Variants in CNGA1 observed in about 807,000 individuals in gnomAD.
CNGA1 encodes cyclic nucleotide-gated channel alpha-1.
Under a neutral mutation model 69.7 loss-of-function variants are expected in CNGA1, and 53 were observed. That is an observed-to-expected ratio of 0.76 (90% CI 0.61 to 0.96). The LOEUF (loss-of-function observed/expected upper bound fraction) is 0.96, where lower values mean the gene tolerates loss of function less well. CNGA1 is among the 40% of genes least tolerant of loss of function. The pLI is 0.00. For synonymous variants in CNGA1, 249 were observed against 283.5 expected (o/e 0.88, Z 1.22); for missense variants, 739 against 811.2 (o/e 0.91, Z 1.08).
rs769395195 is a variant in CNGA1, at chr4:47,986,983, TGTTGTG to T, written c.-122-5489_-122-5484del. 1.8e-4 allele frequency among the ~76,000 whole-genome samples: 28 copies of T among 152,086 alleles called. 1 individual carries two copies. Among genetic ancestry groups the T allele is most frequent in the Admixed American group, 7.2e-4 (11 of 15,268 alleles). On this transcript the variant is annotated intron_variant, in intron 2 of 10. Coordinates refer to ENST00000514170, the MANE Select transcript of CNGA1 (RefSeq NM_001379270.1). ...TTAAAAGGATAAGAGTATTGTGTTGTGTTGTGTTGTGTTGTGTTGAGTTGTGTTGTG... is the reference window on the plus strand; with the variant it reads ...TTAAAAGGATAAGAGTATTGTGTTGTTTGTGTTGTGTTGAGTTGTGTTGTG...
At chr4:47,973,040 A>C (rs904602500) in intron 3 of CNGA1, among the ~76,000 whole-genome samples, 21 of 151,168 alleles carry the variant, frequency 1.4e-4, no homozygotes, top group African/African-American at 5.1e-4. Context: ...AAAGGCTGAT[A>C]TAGTACACAG....
At chr4:48,009,610 C>T (rs982685814) in intron 2 of CNGA1, among the ~76,000 whole-genome samples, 1 of 152,064 alleles carries the variant, frequency 6.6e-6, no homozygotes, top group Non-Finnish European at 1.5e-5. Flanking sequence ...TCAAGACCAC[C>T]CTGACCAACA....
intron 2 of CNGA1, among the ~76,000 whole-genome samples, chr4:48,005,122 T>G (rs555367356): frequency 6.8e-6 from 1 of 146,198 alleles, no homozygotes; most frequent in African/African-American, 2.6e-5. Context: ...ATTTATTTAT[T>G]TATTTATTTA....
intron 3 of CNGA1, among the ~76,000 whole-genome samples, chr4:47,953,596 C>T (rs567222303): frequency 6.6e-6 from 1 of 152,324 alleles, no homozygotes; most frequent in East Asian, 1.9e-4. Flanking sequence ...CTGGCCTAAA[C>T]TCTAGTCAGG....
At chr4:47,958,490 G>A (rs1015786971) in intron 3 of CNGA1, among the ~76,000 whole-genome samples, 4 of 152,008 alleles carry the variant, frequency 2.6e-5, no homozygotes, top group Non-Finnish European at 5.9e-5. Flanking sequence ...AGGGCATGAT[G>A]GCGGGTGACT....
Position 47,936,583 on chromosome 4 carries a change from CAGG to C in CNGA1, c.1896_1898del (p.Leu633del). On this transcript the variant is annotated inframe_deletion, in exon 11 of 11. Transcript: ENST00000514170. The stretch of plus-strand genomic sequence containing the variant: ...CCAAGATTCGGGCAAACCTGGTTTG[CAGG>C]AGGTCTACTGACCCCTCCATTCGAG... 1 of 1,614,208 alleles carries C rather than the reference CAGG, an allele frequency of 6.2e-7. No homozygotes were observed. The highest frequency in any genetic ancestry group is 8.5e-7 in the Non-Finnish European group (1 of 1,180,022).
intron 3 of CNGA1, among the ~76,000 whole-genome samples, chr4:47,968,464 A>G (rs1365194721): frequency 1.3e-5 from 2 of 152,144 alleles, no homozygotes; most frequent in Admixed American, 1.3e-4. Flanking sequence ...AAATCAGCCA[A>G]TCAGAAAAAC....
chr4:48,000,374 G>GTTTT (rs569343152), intron 2 of CNGA1, among the ~76,000 whole-genome samples: 2 of 146,158 alleles, frequency 1.4e-5, no homozygotes, highest in African/African-American at 5.0e-5. Flanking sequence ...AACAATAAGT[G>GTTTT]TTTTTTTTTT....
intron 3 of CNGA1, among the ~76,000 whole-genome samples, chr4:47,975,551 TAAG>T (rs1176859194): frequency 6.6e-6 from 1 of 152,172 alleles, no homozygotes; most frequent in Non-Finnish European, 1.5e-5. Flanking sequence ...AAATATTTTA[TAAG>T]AACACAAAGT....
Position 47,943,372 on chromosome 4 carries a change from T to A in CNGA1, c.328A>T (p.Ser110Cys). The change falls in exon 7 of 11, where the codon AGC becomes TGC. Residue 110 changes from serine (S) to cysteine (C), a missense_variant and splice_region_variant. Physicochemically the swap from Ser to Cys is moderately radical, Grantham distance 112. Transcript: ENST00000514170. ...GGGTAATTCTTGCCAAAGTCTTACC[T>A]CTTCTTTTCTTTTTTCTTTTTCTTT... ...EKKKKKKEKK[S>C]KSDDKNENKN... 6.6e-7 allele frequency: 1 copy of A among 1,523,794 alleles called. No individual in the cohort carries two copies. The highest frequency in any genetic ancestry group is 1.3e-5 in the South Asian group (1 of 77,860). 94.4% of individuals were successfully genotyped at this position (1,523,794 alleles called of 1,614,324 possible).
chr4:47,963,733 G>A (rs1029215443), intron 3 of CNGA1, among the ~76,000 whole-genome samples: 3 of 152,206 alleles, frequency 2.0e-5, no homozygotes, highest in African/African-American at 7.2e-5. Flanking sequence ...TGCCCTGAAA[G>A]AGTCCAAGGC....
chr4:48,003,705 T>C (rs990989939), intron 2 of CNGA1, among the ~76,000 whole-genome samples: 3 of 151,998 alleles, frequency 2.0e-5, no homozygotes, highest in African/African-American at 4.8e-5. Context: ...TGAGGAGACA[T>C]TGGGAGAAGT....
rs765077544 is a variant in CNGA1, at chr4:47,936,958, G to A, written c.1524C>T (p.Ile508=). The A allele has an allele frequency of 5.0e-6, 8 of 1,613,786 alleles. No homozygotes were observed. The Admixed American group carries it at 1.3e-4, about 27-fold the overall frequency. Residue 508 remains isoleucine (I), a synonymous_variant, in exon 11 of 11, where the codon ATC becomes ATT. Coordinates refer to ENST00000514170, the MANE Select transcript of CNGA1 (RefSeq NM_001379270.1). ...PGDYICKKGD[I]GREMYIIKEG... is the part of the protein sequence containing the mutation. ...CCTTGATAATGTACATCTCTCGTCC[G>A]ATATCCCCTTTCTTGCAAATATAAT...
chr4:47,992,884 A>C (rs1347198539), intron 2 of CNGA1, among the ~76,000 whole-genome samples: 1 of 152,000 alleles, frequency 6.6e-6, no homozygotes, highest in East Asian at 1.9e-4. Context: ...GATTTTGCTG[A>C]GAGTTTTAAT....
chr4:48,005,688 C>A (rs113788460), intron 2 of CNGA1, among the ~76,000 whole-genome samples: 99 of 152,240 alleles, frequency 6.5e-4, no homozygotes, highest in African/African-American at 2.3e-3. Flanking sequence ...GGTCAGGAAC[C>A]CTGTACAGGG....
chr4:47,999,058 G>A (rs1470560632), intron 2 of CNGA1, among the ~76,000 whole-genome samples: 1 of 152,132 alleles, frequency 6.6e-6, no homozygotes, highest in Non-Finnish European at 1.5e-5. Flanking sequence ...CATCACATAG[G>A]CATTGTATCA....
At position 47,936,092 on chromosome 4, in the gene CNGA1, C is replaced by G. The variant is rs1282683601; in HGVS notation, c.*329G>C. 2 of 344,582 alleles carry G rather than the reference C, an allele frequency of 5.8e-6. No homozygotes were observed. The highest frequency in any genetic ancestry group is 6.3e-5 in the East Asian group (1 of 15,800). The allele number at this position is 344,582 out of a possible 1,614,324, so 21.3% of individuals were successfully genotyped here. A position where few individuals can be genotyped will look rare whatever the true frequency, so the allele number is the denominator to read the frequency against. On this transcript the variant is annotated 3_prime_UTR_variant, in exon 11 of 11. Transcript: ENST00000514170. ...ACGCTTCACTCAACAATGGAAATGG[C>G]ATGAAAGTGAGGGCTACTTATTCAT...
chr4:47,984,954 G>C (rs962515928), intron 2 of CNGA1, among the ~76,000 whole-genome samples: 2 of 152,044 alleles, frequency 1.3e-5, no homozygotes, highest in Admixed American at 6.6e-5. Flanking sequence ...TATCCACTTT[G>C]GGGGAGTTTT....
intron 3 of CNGA1, chr4:47,970,891 C>A (rs928530943): frequency 2.6e-5 from 12 of 453,488 alleles, no homozygotes; most frequent in Non-Finnish European, 5.3e-5. Flanking sequence ...TGTGGTGGCT[C>A]ACACCTGTAA....
Sources: gnomAD v4.1 joint callset for allele counts (sites outside exome capture counted in the v4.1 genomes callset) on GRCh38, gnomAD v4.1.1 for gene constraint, MANE v1.5 for transcripts, NCBI Gene and HGNC (gene_info 2026-07-23, HGNC 2026-07-21) for gene names.